The following SPAST variants were observed in gnomAD, a reference collection of about 807,000 sequenced individuals.
SPAST encodes the protein spastic paraplegia 4 (autosomal dominant; spastin).
Under a neutral mutation model 76.6 loss-of-function variants are expected in SPAST, and 30 were observed. That is an observed-to-expected ratio of 0.39 (90% CI 0.29 to 0.53). SPAST has a LOEUF of 0.53. SPAST is among the 20% of genes least tolerant of loss of function. SPAST has a pLI of 0.68. For synonymous variants in SPAST, 305 were observed against 281.0 expected, an observed-to-expected ratio of 1.09 and a Z score of -0.86; for missense variants, 717 against 770.5, an observed-to-expected ratio of 0.93 and a Z score of 0.82.
intron 9 of SPAST, chr2:32,129,547 G>A (rs915310018): frequency 6.6e-6 from 1 of 152,194 alleles, no homozygotes; most frequent in Admixed American, 6.5e-5. Flanking sequence ...TTTGTCTGGT[G>A]TGCAGAACTA....
chr2:32,085,381 A>C (rs747983562), intron 1 of SPAST, among the ~76,000 whole-genome samples: 1 of 151,918 alleles, frequency 6.6e-6, no homozygotes, highest in Non-Finnish European at 1.5e-5. Context: ...AATCATGGTT[A>C]ATTTTTAAAT....
chr2:32,070,311 G>A (rs1035874889), intron 1 of SPAST, among the ~76,000 whole-genome samples: 1 of 151,784 alleles, frequency 6.6e-6, no homozygotes, highest in African/African-American at 2.4e-5. Context: ...GAAGTGATCC[G>A]CCTGCCTCAG....
At chr2:32,065,262 G>C (rs216538) in intron 1 of SPAST, among the ~76,000 whole-genome samples, 81,747 of 151,808 alleles carry the variant, frequency 0.54, 22,202 homozygotes, top group East Asian at 0.64. Flanking sequence ...TCGTGATCGG[G>C]TCGCCTCGGC....
At chr2:32,072,780 T>A (rs1173320034) in intron 1 of SPAST, among the ~76,000 whole-genome samples, 1 of 152,210 alleles carries the variant, frequency 6.6e-6, no homozygotes, top group African/African-American at 2.4e-5. Flanking sequence ...AGTGTCAGAT[T>A]TGGTAATTTT....
At chr2:32,090,905 A>G (rs1012211607) in intron 3 of SPAST, among the ~76,000 whole-genome samples, 2 of 152,136 alleles carry the variant, frequency 1.3e-5, no homozygotes. Flanking sequence ...TGTGTTCATC[A>G]TTAGTTGTTC....
chr2:32,075,238 C>T (rs1428710762), intron 1 of SPAST, among the ~76,000 whole-genome samples: 1 of 150,968 alleles, frequency 6.6e-6, no homozygotes, highest in Non-Finnish European at 1.5e-5. Flanking sequence ...CTGGCTAACA[C>T]GGTGAAACCC....
chr2:32,104,799 T>TA (rs1337800226), intron 4 of SPAST, among the ~76,000 whole-genome samples: 4 of 152,248 alleles, frequency 2.6e-5, no homozygotes, highest in African/African-American at 9.6e-5. Flanking sequence ...TTCTGGTTTT[T>TA]AGAGTTTCTG....
intron 4 of SPAST, among the ~76,000 whole-genome samples, chr2:32,113,560 C>CTTTTTTTTTTT (rs10534612): frequency 1.1e-5 from 1 of 90,908 alleles, no homozygotes. Context: ...TGCTTCATAA[C>CTTTTTTTTTTT]TTTTTTTTTT....
At position 32,098,777 on chromosome 2, in the gene SPAST, T is replaced by A; in HGVS notation, c.587-19T>A. The stretch of plus-strand genomic sequence containing the variant: ...CTTTTTGTTTATTTTTTCTGTTTTT[T>A]ACCTTCTCTGTTGCATAGAGAAGAT... On this transcript the variant is annotated intron_variant, in intron 3 of 16. Coordinates refer to ENST00000315285, the MANE Select transcript of SPAST (RefSeq NM_014946.4). 1 of 1,524,728 alleles carries A rather than the reference T, an allele frequency of 6.6e-7. No individual in the cohort carries two copies. The highest frequency in any genetic ancestry group is 9.1e-7 in the Non-Finnish European group (1 of 1,098,824). 94.4% of individuals were successfully genotyped at this position (1,524,728 alleles called of 1,614,324 possible). A position where few individuals can be genotyped will look rare whatever the true frequency, so the allele number is the denominator to read the frequency against.
Position 32,080,160 on chromosome 2 carries a change from A to G in SPAST, c.416-7332A>G, listed in dbSNP as rs539815926. Among the ~76,000 whole-genome samples the G allele has an allele frequency of 8.5e-5, 13 of 152,124 alleles. 1 individual carries two copies. The South Asian group carries it at 2.3e-3, about 27-fold the overall frequency. ...CTCGTTGTGATTTTGATTTGCATGT[A>G]TTTTTCTAATGACTTATGATGCTCA... On this transcript the variant is annotated intron_variant, in intron 1 of 16. Transcript: ENST00000315285.
At chr2:32,089,744 C>A in intron 3 of SPAST, 139 bp downstream of exon 3, 5 of 627,766 alleles carry the variant, frequency 8.0e-6, no homozygotes, top group African/African-American at 1.9e-5. Context: ...ATAACATATA[C>A]AAAAACAGAA....
chr2:32,070,653 A>T (rs1050233337), intron 1 of SPAST, among the ~76,000 whole-genome samples: 1 of 152,208 alleles, frequency 6.6e-6, no homozygotes, highest in Non-Finnish European at 1.5e-5. Flanking sequence ...ATTTTGAGAC[A>T]GGGCCTTGGT....
chr2:32,079,759 A>G (rs569481831), intron 1 of SPAST, among the ~76,000 whole-genome samples: 1 of 152,196 alleles, frequency 6.6e-6, no homozygotes, highest in African/African-American at 2.4e-5. Flanking sequence ...GGGTTTCACC[A>G]TGTGGTTCAC....
At chr2:32,153,396 C>T (rs532241570) in intron 16 of SPAST, among the ~76,000 whole-genome samples, 3 of 149,476 alleles carry the variant, frequency 2.0e-5, no homozygotes, top group Non-Finnish European at 4.4e-5. Context: ...GATCTCGGCT[C>T]ACTTACAACC....
chr2:32,105,816 C>T (rs6725184), intron 4 of SPAST, among the ~76,000 whole-genome samples: 59,293 of 151,984 alleles, frequency 0.39, 11,865 homozygotes, highest in East Asian at 0.61. Context: ...GATCCTTCCT[C>T]TGGAACCTTC....
intron 4 of SPAST, among the ~76,000 whole-genome samples, chr2:32,108,809 A>G (rs1441647127): frequency 8.7e-6 from 1 of 115,158 alleles, no homozygotes; most frequent in Non-Finnish European, 1.6e-5. Context: ...TCTGTCGCCC[A>G]GGGTGGAGTG....
chr2:32,070,166 A>C (rs1676691274), intron 1 of SPAST, among the ~76,000 whole-genome samples: 1 of 151,586 alleles, frequency 6.6e-6, no homozygotes, highest in Non-Finnish European at 1.5e-5. Context: ...CCCGGGTTCA[A>C]GCGATTCTCC....
intron 13 of SPAST, 26 bp from the exon 14 acceptor site, chr2:32,143,310 A>C: frequency 7.8e-7 from 1 of 1,274,428 alleles, no homozygotes; most frequent in Non-Finnish European, 1.1e-6. Context: ...AATTAGACTG[A>C]ATGATCATTT....
At chr2:32,064,539 A>G (rs1011822600) in intron 1 of SPAST, among the ~76,000 whole-genome samples, 5 of 152,200 alleles carry the variant, frequency 3.3e-5, no homozygotes, top group Non-Finnish European at 5.9e-5. Flanking sequence ...GATGACAGTG[A>G]CATTTGTCCT....
Sources: allele counts gnomAD v4.1 joint callset (sites outside exome capture counted in the v4.1 genomes callset), GRCh38; gene constraint gnomAD v4.1.1; transcripts MANE v1.5; gene names NCBI Gene and HGNC (gene_info 2026-07-23, HGNC 2026-07-21).